KIN: variants seen among roughly 807,000 people sequenced by gnomAD.
KIN encodes Kin17 DNA and RNA binding protein, also known as DNA/RNA-binding protein KIN17.
KIN carries 47 observed loss-of-function variants against 63.0 expected under a neutral mutation model. The ratio of observed to expected loss-of-function variants is 0.75; its 90% CI spans 0.59 to 0.95. The LOEUF is 0.95. Ranked by LOEUF, KIN falls within the 40% of genes least tolerant of loss-of-function variation. KIN has a pLI of 0.00. For synonymous variants in KIN, 160 were observed against 157.7 expected, an observed-to-expected ratio of 1.01 and a Z score of -0.11; for missense variants, 408 against 460.9, an observed-to-expected ratio of 0.89 and a Z score of 1.05.
In KIN at chr10:7,778,933, G is replaced by A. The variant is rs141967940; in HGVS notation, c.463C>T (p.Leu155=). 6.2e-6 allele frequency: 10 copies of A among 1,613,720 alleles called. No homozygotes were observed. The highest frequency in any genetic ancestry group is 8.5e-6 in the Non-Finnish European group (10 of 1,179,982). ...AGGTCCTGCTTTTTCTTTTTCTCCA[G>A]TTCCAGTTGCCGGCGGATAGTTTCT... ...DPETIRRQLE[L]EKKKKQDLDD... Residue 155 remains leucine, a synonymous_variant, in exon 5 of 13, where the codon CTG becomes TTG. Coordinates refer to ENST00000379562, the MANE Select transcript of KIN (RefSeq NM_012311.4).
chr10:7,758,530 G>GCGAA (rs1835376200), intron 12 of KIN, among the ~76,000 whole-genome samples: 1 of 152,190 alleles, frequency 6.6e-6, no homozygotes, highest in Non-Finnish European at 1.5e-5. Flanking sequence ...GACACAACCT[G>GCGAA]CGAACCAAAG....
At chr10:7,775,205 GACATA>G (rs994050427) in intron 6 of KIN, among the ~76,000 whole-genome samples, 4 of 152,148 alleles carry the variant, frequency 2.6e-5, no homozygotes, top group Non-Finnish European at 5.9e-5. Flanking sequence ...TGGCTCAGGG[GACATA>G]ACACCATTTT....
chr10:7,783,544 T>A (rs771099565), intron 1 of KIN, among the ~76,000 whole-genome samples: 36 of 152,116 alleles, frequency 2.4e-4, no homozygotes, highest in Admixed American at 5.2e-4. Flanking sequence ...CTCAAAGGAG[T>A]AAAATGGGTC....
At chr10:7,779,151 T>A in intron 4 of KIN, 132 bp from the exon 5 acceptor site, 1 of 1,012,110 alleles carries the variant, frequency 9.9e-7, no homozygotes, top group Non-Finnish European at 1.4e-6. Flanking sequence ...CTTACACCTG[T>A]AATCTCAGCA....
chr10:7,781,587 T>TCTACACACAC (rs71515486), intron 2 of KIN, among the ~76,000 whole-genome samples: 8 of 140,692 alleles, frequency 5.7e-5, no homozygotes, highest in African/African-American at 2.2e-4. Flanking sequence ...ACCCTGTCTC[T>TCTACACACAC]ACACACACAC....
intron 12 of KIN, among the ~76,000 whole-genome samples, chr10:7,756,652 C>A (rs1291653655): frequency 6.6e-6 from 1 of 152,194 alleles, no homozygotes; most frequent in East Asian, 1.9e-4. Context: ...AGAAAGAGTT[C>A]CCTGATCAAA....
intron 7 of KIN, among the ~76,000 whole-genome samples, chr10:7,774,243 C>T (rs1436982848): frequency 6.6e-6 from 1 of 152,206 alleles, no homozygotes; most frequent in Non-Finnish European, 1.5e-5. Context: ...CTGAGTGTTT[C>T]CTGGTGTATT....
chr10:7,760,267 G>A (rs996316909), intron 11 of KIN, among the ~76,000 whole-genome samples: 3 of 152,126 alleles, frequency 2.0e-5, no homozygotes, highest in African/African-American at 7.2e-5. Context: ...TAAGGTACTT[G>A]GAGAAAATGT....
chr10:7,763,816 G>A, intron 9 of KIN, 25 bp from the exon 10 acceptor site: 1 of 1,105,706 alleles, frequency 9.0e-7, no homozygotes, highest in Non-Finnish European at 1.3e-6. Flanking sequence ...CAAAAAAAAT[G>A]AAAGGAAAGA....
chr10:7,769,068 T>C (rs1835611820), intron 8 of KIN, 148 bp downstream of exon 8: 4 of 615,142 alleles, frequency 6.5e-6, no homozygotes, highest in Non-Finnish European at 1.1e-5. Flanking sequence ...GGGCTCCAAC[T>C]CCAGTTCGGG....
chr10:7,763,657 C>A, intron 10 of KIN, 66 bp downstream of exon 10: 1 of 855,748 alleles, frequency 1.2e-6, no homozygotes, highest in Non-Finnish European at 1.9e-6. Flanking sequence ...CAAGAAATAC[C>A]AAAATAGCTT....
At chr10:7,770,949 T>C (rs892288544) in intron 7 of KIN, among the ~76,000 whole-genome samples, 1 of 152,198 alleles carries the variant, frequency 6.6e-6, no homozygotes. Flanking sequence ...TGTCACTCTG[T>C]TTTTATGGGG....
chr10:7,785,963 T>A (rs906611224), intron 1 of KIN, among the ~76,000 whole-genome samples: 3 of 152,208 alleles, frequency 2.0e-5, no homozygotes, highest in African/African-American at 7.2e-5. Flanking sequence ...TTGTGAGATT[T>A]TATAATGGTG....
At chr10:7,786,401 A>T (rs956712784) in intron 1 of KIN, among the ~76,000 whole-genome samples, 1 of 152,184 alleles carries the variant, frequency 6.6e-6, no homozygotes, top group African/African-American at 2.4e-5. Flanking sequence ...AATATTTTTT[A>T]AAAAGTAAAT....
intron 6 of KIN, 46 bp downstream of exon 6, chr10:7,775,705 A>T: frequency 2.9e-6 from 3 of 1,042,142 alleles, no homozygotes; most frequent in Non-Finnish European, 4.2e-6. Context: ...AAGCCAATAT[A>T]AAAGCATCTA....
Position 7,754,343 on chromosome 10 carries a change from G to GA in KIN, c.*1736dup. ...GAGCAAGACCCTATCTCAAAAAACA[G>GA]AACAAAAAAAAAGAGGCGTAGTGGC... On this transcript the variant is annotated 3_prime_UTR_variant, in exon 13 of 13. Coordinates refer to ENST00000379562, the MANE Select transcript of KIN (RefSeq NM_012311.4). 1 of 259,896 alleles carries GA rather than the reference G, an allele frequency of 3.8e-6. No homozygotes were observed. The allele number at this position is 259,896 out of a possible 1,614,324, so 16.1% of individuals were successfully genotyped here.
chr10:7,764,753 G>A (rs930119658), intron 9 of KIN, among the ~76,000 whole-genome samples: 5 of 152,100 alleles, frequency 3.3e-5, no homozygotes, highest in East Asian at 3.8e-4. Context: ...TTTCTCAAAC[G>A]CTCTCATGGG....
At chr10:7,775,710 C>T (rs752426252) in intron 6 of KIN, 41 bp downstream of exon 6, 3 of 1,078,078 alleles carry the variant, frequency 2.8e-6, no homozygotes, top group African/African-American at 1.6e-5. Flanking sequence ...AATATAAAAG[C>T]ATCTATGTTT....
chr10:7,771,428 A>T (rs1835663827), intron 7 of KIN, among the ~76,000 whole-genome samples: 1 of 152,184 alleles, frequency 6.6e-6, no homozygotes, highest in Non-Finnish European at 1.5e-5. Flanking sequence ...TTAAAAAAAT[A>T]TATTTGCTTA....
Sources: gnomAD v4.1 joint callset for allele counts (sites outside exome capture counted in the v4.1 genomes callset) on GRCh38, gnomAD v4.1.1 for gene constraint, MANE v1.5 for transcripts, NCBI Gene and HGNC (gene_info 2026-07-23, HGNC 2026-07-21) for gene names.